GRID2: variants seen among roughly 807,000 people sequenced by gnomAD.
The protein encoded by GRID2 is glutamate receptor ionotropic, delta-2.
Under a neutral mutation model 114.8 loss-of-function variants are expected in GRID2, and 33 were observed. That is an observed-to-expected ratio of 0.29 (90% CI 0.22 to 0.38). GRID2 has a LOEUF of 0.38. Among genes scored for constraint, GRID2 ranks in the 10% least tolerant of loss-of-function variants. The pLI is 1.00. For missense variants in GRID2, 1,184 were observed against 1,257.7 expected (o/e 0.94, Z 0.89); for synonymous variants, 505 against 449.9 (o/e 1.12, Z -1.55).
chr4:93,568,925 C>T (rs536371406), intron 13 of GRID2, among the ~76,000 whole-genome samples: 49 of 152,236 alleles, frequency 3.2e-4, no homozygotes, highest in Admixed American at 1.2e-3. Context: ...GTGCTTTCTG[C>T]GCCCACCTCA....
intron 1 of GRID2, among the ~76,000 whole-genome samples, chr4:92,369,180 A>C (rs561521607): frequency 1.3e-5 from 2 of 152,154 alleles, no homozygotes; most frequent in East Asian, 3.9e-4. Context: ...ATTTTTTCCT[A>C]GGTGCCAAGT....
At chr4:92,726,383 C>T (rs1010205146) in intron 2 of GRID2, among the ~76,000 whole-genome samples, 3 of 151,992 alleles carry the variant, frequency 2.0e-5, no homozygotes, top group Admixed American at 6.6e-5. Context: ...AATTTTTCAG[C>T]TTCATTATAA....
intron 1 of GRID2, among the ~76,000 whole-genome samples, chr4:92,348,297 C>T (rs1441713657): frequency 6.6e-6 from 1 of 152,172 alleles, no homozygotes; most frequent in Non-Finnish European, 1.5e-5. Context: ...CCTTCTAGTT[C>T]TTAACGTTTC....
chr4:92,999,336 A>G (rs759862952), intron 2 of GRID2, among the ~76,000 whole-genome samples: 1 of 151,744 alleles, frequency 6.6e-6, no homozygotes, highest in Non-Finnish European at 1.5e-5. Flanking sequence ...AAAGTAACCA[A>G]TTTTCCCAGT....
At chr4:92,891,356 A>G (rs951258805) in intron 2 of GRID2, among the ~76,000 whole-genome samples, 2 of 152,244 alleles carry the variant, frequency 1.3e-5, no homozygotes, top group Admixed American at 1.3e-4. Flanking sequence ...ATTGTATTAC[A>G]CACTAAAGAT....
At chr4:93,448,223 TAA>T (rs1296821227) in intron 10 of GRID2, among the ~76,000 whole-genome samples, 14 of 151,950 alleles carry the variant, frequency 9.2e-5, no homozygotes, top group African/African-American at 2.9e-4. Context: ...AGATTTTATT[TAA>T]AATTTTCAAA....
chr4:92,600,064 A>G (rs1355075548), intron 2 of GRID2, among the ~76,000 whole-genome samples: 78 of 126,772 alleles, frequency 6.2e-4, no homozygotes, highest in African/African-American at 1.9e-3. Flanking sequence ...ATATATATAT[A>G]TATATATATA....
intron 13 of GRID2, among the ~76,000 whole-genome samples, chr4:93,544,123 AC>A (rs1732951361): frequency 6.6e-6 from 1 of 152,172 alleles, no homozygotes; most frequent in African/African-American, 2.4e-5. Flanking sequence ...TAGTTCTGAG[AC>A]CAGCTCTCCC....
intron 2 of GRID2, among the ~76,000 whole-genome samples, chr4:93,017,858 T>C (rs535375573): frequency 6.8e-6 from 1 of 147,328 alleles, no homozygotes; most frequent in South Asian, 2.1e-4. Context: ...AAATAATATG[T>C]GCACCAAGAC....
intron 4 of GRID2, among the ~76,000 whole-genome samples, chr4:93,127,383 A>G (rs1211505828): frequency 1.3e-5 from 2 of 152,144 alleles, no homozygotes; most frequent in Non-Finnish European, 2.9e-5. Context: ...TTTTAGAACA[A>G]AATAAATGAA....
intron 4 of GRID2, among the ~76,000 whole-genome samples, chr4:93,190,819 C>G (rs1456726244): frequency 6.6e-6 from 1 of 151,828 alleles, no homozygotes; most frequent in Non-Finnish European, 1.5e-5. Flanking sequence ...TGACATAATT[C>G]TTTTCATTAG....
At chr4:92,759,773 T>TTTC (rs1349446911) in intron 2 of GRID2, among the ~76,000 whole-genome samples, 6 of 151,280 alleles carry the variant, frequency 4.0e-5, no homozygotes, top group Admixed American at 6.6e-5. Context: ...CGGGCTTTTT[T>TTTC]TTCTTCTTCT....
chr4:93,603,083 G>A (rs562113881), intron 13 of GRID2, among the ~76,000 whole-genome samples: 130 of 152,186 alleles, frequency 8.5e-4, no homozygotes, highest in Non-Finnish European at 1.2e-3. Context: ...GGTGGCAGGC[G>A]CCTGTAATCT....
intron 4 of GRID2, among the ~76,000 whole-genome samples, chr4:93,185,071 T>A (rs2149440199): frequency 6.6e-6 from 1 of 152,244 alleles, no homozygotes; most frequent in Non-Finnish European, 1.5e-5. Flanking sequence ...AGAAAATATT[T>A]TTAGATAGTT....
chr4:93,526,545 C>T (rs28457067), intron 13 of GRID2, among the ~76,000 whole-genome samples: 45,267 of 152,174 alleles, frequency 0.3, 7,970 homozygotes, highest in African/African-American at 0.48. Context: ...CGCTGTGGCT[C>T]ACGCCTGTAA....
At chr4:92,791,628 T>A (rs906785374) in intron 2 of GRID2, among the ~76,000 whole-genome samples, 3 of 151,848 alleles carry the variant, frequency 2.0e-5, no homozygotes, top group Non-Finnish European at 1.5e-5. Flanking sequence ...AATGAAAATA[T>A]AATAAGGAAA....
intron 1 of GRID2, among the ~76,000 whole-genome samples, chr4:92,469,897 C>T (rs1378368778): frequency 6.6e-6 from 1 of 151,644 alleles, no homozygotes; most frequent in Non-Finnish European, 1.5e-5. Flanking sequence ...AATATTTTCA[C>T]AATAGTAAAG....
intron 1 of GRID2, among the ~76,000 whole-genome samples, chr4:92,521,933 G>C (rs139837357): frequency 6.4e-4 from 98 of 152,072 alleles, no homozygotes; most frequent in African/African-American, 2.2e-3. Context: ...TATGTACCCA[G>C]CACTCTTCTA....
At chr4:93,722,776 A>T (rs1363522383) in intron 14 of GRID2, among the ~76,000 whole-genome samples, 1 of 152,198 alleles carries the variant, frequency 6.6e-6, no homozygotes, top group African/African-American at 2.4e-5. Context: ...ATCATACACT[A>T]GTTCCTTATT....
Sources: allele counts gnomAD v4.1 joint callset (sites outside exome capture counted in the v4.1 genomes callset), GRCh38; gene constraint gnomAD v4.1.1; transcripts MANE v1.5; gene names NCBI Gene and HGNC (gene_info 2026-07-23, HGNC 2026-07-21).